The following TLE3 variants were observed in gnomAD, a reference collection of about 807,000 sequenced individuals.
The protein encoded by TLE3 is transducin-like enhancer protein 3.
A neutral mutation model predicts 93.0 loss-of-function variants in TLE3; 14 were observed. That is an observed-to-expected ratio of 0.15 (90% confidence interval 0.10 to 0.24). The LOEUF (loss-of-function observed/expected upper bound fraction) is 0.24. Ranked by LOEUF, TLE3 falls within the 10% of genes least tolerant of loss-of-function variation. TLE3 has a pLI of 1.00. For missense variants in TLE3, 693 were observed against 1,046.6 expected, an observed-to-expected ratio of 0.66 and a Z score of 4.66; for synonymous variants, 451 against 425.0, an observed-to-expected ratio of 1.06 and a Z score of -0.75.
chr15:70,089,172 C>T (rs78927688), intron 4 of TLE3, among the ~76,000 whole-genome samples: 4 of 152,230 alleles, frequency 2.6e-5, no homozygotes, highest in Non-Finnish European at 5.9e-5. Flanking sequence ...AAACCCTACC[C>T]TCCCTTTCAG....
At chr15:70,080,231 C>G (rs546512029) in intron 4 of TLE3, among the ~76,000 whole-genome samples, 1 of 152,312 alleles carries the variant, frequency 6.6e-6, no homozygotes, top group South Asian at 2.1e-4. Flanking sequence ...TTCCCTCCAT[C>G]TCGGTCCCAC....
chr15:70,064,627 G>A (rs886721529), intron 7 of TLE3, among the ~76,000 whole-genome samples, 157 bp from the exon 8 acceptor site: 3 of 152,202 alleles, frequency 2.0e-5, no homozygotes, highest in African/African-American at 4.8e-5. Context: ...TGCTGTCTCC[G>A]TGGATCAGCC....
chr15:70,095,862 C>A (rs980844974), intron 2 of TLE3: 2 of 644,418 alleles, frequency 3.1e-6, no homozygotes, highest in Admixed American at 3.0e-5. Flanking sequence ...GGACTTATCA[C>A]GGCAGCAGGG....
intron 6 of TLE3, among the ~76,000 whole-genome samples, chr15:70,071,571 G>A (rs765962883): frequency 3.9e-5 from 6 of 152,070 alleles, no homozygotes; most frequent in Admixed American, 2.0e-4. Flanking sequence ...GAGTTGAGCC[G>A]AGCCACAACC....
intron 17 of TLE3, chr15:70,052,793 T>C (rs1180867254): frequency 9.0e-6 from 3 of 334,788 alleles, no homozygotes; most frequent in Admixed American, 4.4e-5. Context: ...ATATTAAAAA[T>C]TTAAGATTAA....
chr15:70,085,297 A>C (rs2057991740), intron 4 of TLE3, among the ~76,000 whole-genome samples: 1 of 152,232 alleles, frequency 6.6e-6, no homozygotes, highest in Non-Finnish European at 1.5e-5. Context: ...CTTAGCCATG[A>C]AGACAAATCT....
In TLE3 at chr15:70,097,353, G is replaced by A; in HGVS notation, c.-555C>T. The A allele has an allele frequency of 2.5e-6, 1 of 404,856 alleles. No homozygotes were observed. Among genetic ancestry groups the A allele is most frequent in the South Asian group, 1.0e-4 (1 of 9,574 alleles). 25.1% of individuals were successfully genotyped at this position (404,856 alleles called of 1,614,324 possible). A position where few individuals can be genotyped will look rare whatever the true frequency, so the allele number is the denominator to read the frequency against. ...GGCGGGCTACGAGGTGGTGGCTTGGGGCCGCAGGAGCGCCGGAGGGTGAGG... is the reference window on the plus strand; with the variant it reads ...GGCGGGCTACGAGGTGGTGGCTTGGAGCCGCAGGAGCGCCGGAGGGTGAGG... On this transcript the variant is annotated 5_prime_UTR_variant, in exon 1 of 20. Coordinates refer to ENST00000451782, the MANE Select transcript of TLE3 (RefSeq NM_001105192.3).
At chr15:70,064,712 T>C (rs2056706327) in intron 7 of TLE3, among the ~76,000 whole-genome samples, 1 of 152,010 alleles carries the variant, frequency 6.6e-6, no homozygotes, top group African/African-American at 2.4e-5. Context: ...CCCACCCCTC[T>C]AGTCCCCAGG....
At chr15:70,061,432 C>T (rs1035199975) in intron 8 of TLE3, among the ~76,000 whole-genome samples, 1 of 152,084 alleles carries the variant, frequency 6.6e-6, no homozygotes, top group African/African-American at 2.4e-5. Context: ...CCCAAAATTT[C>T]GTGAGTTCTC....
Position 70,047,857 on chromosome 15 carries a change from T to C in TLE3, c.*2240A>G, listed in dbSNP as rs1244376704. The C allele has an allele frequency of 6.6e-6, 1 of 152,236 alleles. No individual in the cohort carries two copies. Among genetic ancestry groups the C allele is most frequent in the Non-Finnish European group, 1.5e-5 (1 of 68,052 alleles). 9.4% of individuals were successfully genotyped at this position (152,236 alleles called of 1,614,324 possible). On this transcript the variant is annotated 3_prime_UTR_variant, in exon 20 of 20. Transcript: ENST00000451782. ...TTTTGCATTGACAGCTGTACAATAC[T>C]TTGGTGTTAACCTGTGGTCTTCCTT... is the stretch of plus-strand genomic sequence containing the variant.
At chr15:70,089,077 C>T (rs1324160007) in intron 4 of TLE3, among the ~76,000 whole-genome samples, 3 of 152,238 alleles carry the variant, frequency 2.0e-5, no homozygotes, top group South Asian at 4.1e-4. Context: ...ATTCCGAAGA[C>T]GTGTGGCTTC....
At chr15:70,095,251 C>G (rs962210388) in intron 3 of TLE3, 13 of 1,216,546 alleles carry the variant, frequency 1.1e-5, no homozygotes, top group Non-Finnish European at 1.4e-5. Flanking sequence ...TGGTCCAATC[C>G]TATCTTACTA....
intron 6 of TLE3, among the ~76,000 whole-genome samples, chr15:70,070,635 C>T (rs145992045): frequency 6.6e-6 from 1 of 152,202 alleles, no homozygotes; most frequent in Non-Finnish European, 1.5e-5. Flanking sequence ...TCACAACAAC[C>T]CTTGTGATCC....
chr15:70,076,124 G>A lies in TLE3; in HGVS notation c.269C>T (p.Ala90Val), dbSNP rs1461079293. Residue 90 changes from alanine (A) to valine (V), a missense_variant, in exon 5 of 20, where the codon GCA (alanine) becomes GTA (valine). Ala to Val is a moderately conservative substitution (Grantham distance 64). Transcript: ENST00000451782. The stretch of plus-strand genomic sequence containing the variant: ...TTGTGACAGGAAAGGCATGATCTGT[G>A]CTAAAATTGTGTTCAGTCTCTTCGC... ...EIAKRLNTIL[A>V]QIMPFLSQEH... The A allele has an allele frequency of 6.2e-7, 1 of 1,613,886 alleles. No homozygotes were observed. Among genetic ancestry groups the A allele is most frequent in the African/African-American group, 1.3e-5 (1 of 74,934 alleles).
rs557978469 is a variant in TLE3, at chr15:70,097,407, C to G, written c.-609G>C. The stretch of plus-strand genomic sequence containing the variant: ...GGAGCCCGGCGCGGGCGCTTCGACG[C>G]CCCCCCTCGGAGAGGAGAGCCTGCT... On this transcript the variant is annotated 5_prime_UTR_variant, in exon 1 of 20. Coordinates refer to ENST00000451782, the MANE Select transcript of TLE3 (RefSeq NM_001105192.3). The G allele has an allele frequency of 2.6e-4, 105 of 409,868 alleles. 1 individual carries two copies. The East Asian group carries it at 3.1e-3, about 12-fold the overall frequency. The allele number at this position is 409,868 out of a possible 1,614,324, so 25.4% of individuals were successfully genotyped here. A position where few individuals can be genotyped will look rare whatever the true frequency, so the allele number is the denominator to read the frequency against.
Position 70,060,542 on chromosome 15 carries a change from G to C in TLE3, c.702C>G (p.Ser234Arg), listed in dbSNP as rs781163968. 6.2e-7 allele frequency: 1 copy of C among 1,613,932 alleles called. No homozygotes were observed. The highest frequency in any genetic ancestry group is 1.1e-5 in the South Asian group (1 of 91,076). Residue 234 changes from serine (S) to arginine (R), a missense_variant, in exon 9 of 20, where the codon AGC becomes AGG. Coordinates refer to ENST00000451782, the MANE Select transcript of TLE3 (RefSeq NM_001105192.3). ...AKKRKAEEKD[S>R]LSRYDSDGDK... Reference sequence around the variant, plus strand: ...GCCTTGGACGTACGTATCGGCTCAAGCTGTCCTTCTCCTCCGCCTTCCGCT... The same window carrying C: ...GCCTTGGACGTACGTATCGGCTCAACCTGTCCTTCTCCTCCGCCTTCCGCT...
chr15:70,086,985 T>C (rs775716095), intron 4 of TLE3, among the ~76,000 whole-genome samples: 2 of 152,230 alleles, frequency 1.3e-5, no homozygotes, highest in African/African-American at 4.8e-5. Flanking sequence ...TACAACTCTT[T>C]CTACAAACAC....
At chr15:70,089,719 G>A (rs940979294) in intron 4 of TLE3, among the ~76,000 whole-genome samples, 2 of 152,198 alleles carry the variant, frequency 1.3e-5, no homozygotes, top group Non-Finnish European at 2.9e-5. Flanking sequence ...CCAAGCTTAG[G>A]TCTTTGTCAC....
chr15:70,056,253 C>A lies in TLE3; in HGVS notation c.1328+45G>T, dbSNP rs983013327. The A allele has an allele frequency of 2.5e-6, 4 of 1,594,878 alleles. No individual in the cohort carries two copies. In the African/African-American group the frequency reaches 5.4e-5, roughly 21 times the overall value. ...TGGAATTGGGGGTAGAGTGCTCTCT[C>A]CTGCCCACCCTACAAAGCATGCAGT... On this transcript the variant is annotated intron_variant, in intron 14 of 19. Coordinates refer to ENST00000451782, the MANE Select transcript of TLE3 (RefSeq NM_001105192.3).
Sources: gnomAD v4.1 joint callset for allele counts (sites outside exome capture counted in the v4.1 genomes callset) on GRCh38, gnomAD v4.1.1 for gene constraint, MANE v1.5 for transcripts, NCBI Gene and HGNC (gene_info 2026-07-23, HGNC 2026-07-21) for gene names.